Variants in SNX30 observed in about 807,000 individuals in gnomAD.
The protein encoded by SNX30 is sorting nexin-30.
In SNX30, 24 loss-of-function variants were observed where a neutral mutation model predicts 46.4. The observed-to-expected ratio is 0.52, with a 90% confidence interval of 0.37 to 0.73. The LOEUF is 0.73. Ranked by LOEUF, SNX30 falls within the 30% of genes least tolerant of loss-of-function variation. SNX30 has a pLI of 0.00. For synonymous variants in SNX30, 189 were observed against 211.5 expected (o/e 0.89, Z 0.92); for missense variants, 533 against 555.7 (o/e 0.96, Z 0.41).
At chr9:112,848,983 G>C (rs1013431039) in intron 6 of SNX30, among the ~76,000 whole-genome samples, 5 of 152,218 alleles carry the variant, frequency 3.3e-5, no homozygotes, top group Admixed American at 2.6e-4. Context: ...TTAGTTAGGA[G>C]GCTCTTGCCA....
chr9:112,751,184 G>A lies in SNX30; in HGVS notation c.156+27G>A, dbSNP rs871788. The A allele has an allele frequency of 6.2e-6, 9 of 1,444,792 alleles. No homozygotes were observed. The East Asian group carries it at 1.9e-4, about 31-fold the overall frequency. The allele number at this position is 1,444,792 out of a possible 1,614,324, so 89.5% of individuals were successfully genotyped here. ...TGGGGCGCCTGGGGCCGGGGAGTGG[G>A]AGGCTTATTTCGCTCCCCGTGGGGG... On this transcript the variant is annotated intron_variant, in intron 1 of 8. Coordinates refer to ENST00000374232, the MANE Select transcript of SNX30 (RefSeq NM_001012994.2).
At chr9:112,805,067 T>C in intron 2 of SNX30, 100 bp downstream of exon 2, 1 of 776,896 alleles carries the variant, frequency 1.3e-6, no homozygotes. Flanking sequence ...ATTGTACAAC[T>C]CTGTTCACCT....
Position 112,750,937 on chromosome 9 carries a change from C to T in SNX30, c.-65C>T. Reference sequence around the variant, plus strand: ...CGAGCGGGGCTCGGCCCGGGGTGCTCGGGGAGCTCGCCGCGGCGGGCAGCA... The same window carrying T: ...CGAGCGGGGCTCGGCCCGGGGTGCTTGGGGAGCTCGCCGCGGCGGGCAGCA... On this transcript the variant is annotated 5_prime_UTR_variant, in exon 1 of 9. Transcript: ENST00000374232. 2 of 1,173,394 alleles carry T rather than the reference C, an allele frequency of 1.7e-6. No individual in the cohort carries two copies. Among genetic ancestry groups the T allele is most frequent in the Middle Eastern group, 3.5e-4 (1 of 2,890 alleles). 72.7% of individuals were successfully genotyped at this position (1,173,394 alleles called of 1,614,324 possible). A position where few individuals can be genotyped will look rare whatever the true frequency, so the allele number is the denominator to read the frequency against.
intron 1 of SNX30, among the ~76,000 whole-genome samples, chr9:112,753,257 A>C (rs1473007046): frequency 6.6e-6 from 1 of 152,138 alleles, no homozygotes; most frequent in African/African-American, 2.4e-5. Flanking sequence ...TTGGAAGACA[A>C]ATTCCCCGTA....
rs1400269404 is a variant in SNX30 at position 112,834,827 on chromosome 9, AACAC to A, written c.619-1375_619-1372del. Among the ~76,000 whole-genome samples the A allele has an allele frequency of 1.8e-3, 189 of 106,336 alleles. 1 individual carries two copies. The highest frequency in any genetic ancestry group is 7.3e-3 in the African/African-American group (175 of 23,892). 69.8% of individuals were successfully genotyped at this position (106,336 alleles called of 152,430 possible). ...GTTATGAGCCAGGAACCGTGGATTA[AACAC>A]ACACACACACAAACACACACACACA... is the stretch of plus-strand genomic sequence containing the variant. On this transcript the variant is annotated intron_variant, in intron 4 of 8. Coordinates refer to ENST00000374232, the MANE Select transcript of SNX30 (RefSeq NM_001012994.2).
intron 1 of SNX30, among the ~76,000 whole-genome samples, chr9:112,767,838 G>A (rs189117314): frequency 5.3e-5 from 8 of 152,202 alleles, no homozygotes; most frequent in East Asian, 1.9e-4. Context: ...GAACTCACGC[G>A]ATCCTCCCAC....
chr9:112,841,079 A>G (rs1178303688), intron 6 of SNX30, among the ~76,000 whole-genome samples: 3 of 152,206 alleles, frequency 2.0e-5, no homozygotes, highest in African/African-American at 7.2e-5. Flanking sequence ...CTGTTCTTAA[A>G]AATAAGTTTT....
intron 1 of SNX30, among the ~76,000 whole-genome samples, chr9:112,759,893 T>C (rs1302757039): frequency 1.3e-5 from 2 of 152,136 alleles, no homozygotes; most frequent in African/African-American, 4.8e-5. Context: ...ACTGGGTTGA[T>C]AGGAAGACCC....
intron 1 of SNX30, among the ~76,000 whole-genome samples, chr9:112,755,694 A>C (rs898807334): frequency 2.0e-5 from 3 of 151,744 alleles, no homozygotes; most frequent in Non-Finnish European, 4.4e-5. Context: ...CTACTGGCTC[A>C]CGTTGCTGAA....
chr9:112,866,981 AGAATTCCTTCTC>A (rs1375317670), intron 8 of SNX30, among the ~76,000 whole-genome samples: 34 of 143,932 alleles, frequency 2.4e-4, no homozygotes, highest in South Asian at 9.0e-4. Context: ...CTCCTTCCTC[AGAATTCCTTCTC>A]CCTCCTCAGA....
rs151326260 is a variant in SNX30, at chr9:112,821,745, C to T, written c.459+3930C>T. 7.3e-3 allele frequency among the ~76,000 whole-genome samples: 1,115 copies of T among 151,872 alleles called. 37 individuals are homozygous for T. The highest frequency in any genetic ancestry group is 0.065 in the East Asian group (331 of 5,110). ...TCGTGTTCCGCCTGACTTGGCTTCC[C>T]AAAGTGCTGGGATTACAGGCTTGAG... On this transcript the variant is annotated intron_variant, in intron 3 of 8. Transcript: ENST00000374232.
Position 112,871,437 on chromosome 9 carries a change from T to G in SNX30, c.*2594T>G, listed in dbSNP as rs1841443524. ...TCGTTTTGACCAAGCACAAAAGAGATATTCCCTAGAAGTGTCACACGGAGG... is the reference window on the plus strand; with the variant it reads ...TCGTTTTGACCAAGCACAAAAGAGAGATTCCCTAGAAGTGTCACACGGAGG... On this transcript the variant is annotated 3_prime_UTR_variant, in exon 9 of 9. Transcript: ENST00000374232. 2 of 152,088 alleles carry G rather than the reference T, an allele frequency of 1.3e-5. No homozygotes were observed. The highest frequency in any genetic ancestry group is 4.8e-5 in the African/African-American group (2 of 41,414). The allele number at this position is 152,088 out of a possible 1,614,324, so 9.4% of individuals were successfully genotyped here. A position where few individuals can be genotyped will look rare whatever the true frequency, so the allele number is the denominator to read the frequency against.
At chr9:112,780,346 G>T (rs1191444497) in intron 1 of SNX30, among the ~76,000 whole-genome samples, 1 of 152,204 alleles carries the variant, frequency 6.6e-6, no homozygotes, top group Non-Finnish European at 1.5e-5. Flanking sequence ...CTAGTGAACT[G>T]TATACTTAAA....
At chr9:112,787,267 T>C (rs787272) in intron 1 of SNX30, among the ~76,000 whole-genome samples, 134,216 of 152,222 alleles carry the variant, frequency 0.88, 59,394 homozygotes, top group Middle Eastern at 0.93. Context: ...AAACTAGTAC[T>C]GTACAGGGAG....
At chr9:112,793,838 T>G (rs1479799107) in intron 1 of SNX30, among the ~76,000 whole-genome samples, 3 of 147,158 alleles carry the variant, frequency 2.0e-5, no homozygotes, top group Admixed American at 1.4e-4. Flanking sequence ...CTAGGTTAAA[T>G]TAGTATCTGG....
intron 1 of SNX30, among the ~76,000 whole-genome samples, chr9:112,775,130 G>C (rs1839719935): frequency 6.8e-6 from 1 of 147,300 alleles, no homozygotes; most frequent in African/African-American, 2.5e-5. Context: ...ATGAGCCCCT[G>C]TGCCCAGCCT....
At position 112,750,939 on chromosome 9, in the gene SNX30, G is replaced by A. The variant is rs1839263520; in HGVS notation, c.-63G>A. ...AGCGGGGCTCGGCCCGGGGTGCTCGGGGAGCTCGCCGCGGCGGGCAGCAGG... is the reference window on the plus strand; with the variant it reads ...AGCGGGGCTCGGCCCGGGGTGCTCGAGGAGCTCGCCGCGGCGGGCAGCAGG... On this transcript the variant is annotated 5_prime_UTR_variant, in exon 1 of 9. Coordinates refer to ENST00000374232, the MANE Select transcript of SNX30 (RefSeq NM_001012994.2). 2 of 1,177,414 alleles carry A rather than the reference G, an allele frequency of 1.7e-6. No homozygotes were observed. The highest frequency in any genetic ancestry group is 4.6e-5 in the Admixed American group (1 of 21,706). 72.9% of individuals were successfully genotyped at this position (1,177,414 alleles called of 1,614,324 possible). A position where few individuals can be genotyped will look rare whatever the true frequency, so the allele number is the denominator to read the frequency against.
At chr9:112,860,318 A>G (rs1436061441) in intron 7 of SNX30, among the ~76,000 whole-genome samples, 1 of 152,180 alleles carries the variant, frequency 6.6e-6, no homozygotes, top group Non-Finnish European at 1.5e-5. Flanking sequence ...ATTCTTTTCC[A>G]TAAGCCTTTA....
intron 2 of SNX30, among the ~76,000 whole-genome samples, chr9:112,808,991 T>C (rs1840274572): frequency 6.6e-6 from 1 of 152,160 alleles, no homozygotes; most frequent in Admixed American, 6.5e-5. Context: ...CTCAAAGACA[T>C]GCAACTCATG....
Sources: gnomAD v4.1 joint callset for allele counts (sites outside exome capture counted in the v4.1 genomes callset) on GRCh38, gnomAD v4.1.1 for gene constraint, MANE v1.5 for transcripts, NCBI Gene and HGNC (gene_info 2026-07-23, HGNC 2026-07-21) for gene names.